The following CSMD1 variants were observed in gnomAD, a reference collection of about 807,000 sequenced individuals.
CSMD1 encodes the protein CUB and Sushi multiple domains 1, also known as CUB and sushi domain-containing protein 1.
A neutral mutation model predicts 417.5 loss-of-function variants in CSMD1; 213 were observed. That is an observed-to-expected ratio of 0.51 (90% CI 0.46 to 0.57). CSMD1 has a LOEUF of 0.57. Among genes scored for constraint, CSMD1 ranks in the 20% least tolerant of loss-of-function variants. The probability of loss-of-function intolerance (pLI) is 0.00; values close to 1 mark genes in which losing one functional copy is unlikely to be tolerated. For missense variants in CSMD1, 6,923 were observed against 4,529.7 expected, an observed-to-expected ratio of 1.53 and a Z score of -15.17; for synonymous variants, 2,862 against 1,736.8, an observed-to-expected ratio of 1.65 and a Z score of -16.11.
At chr8:4,968,047 C>T (rs1158786433) in intron 1 of CSMD1, among the ~76,000 whole-genome samples, 1 of 151,952 alleles carries the variant, frequency 6.6e-6, no homozygotes, top group Admixed American at 6.6e-5. Flanking sequence ...CCAAGCCAGC[C>T]AAATTAGAGT....
chr8:3,691,315 C>T (rs981641483), intron 7 of CSMD1, among the ~76,000 whole-genome samples: 4 of 151,404 alleles, frequency 2.6e-5, no homozygotes, highest in African/African-American at 7.3e-5. Flanking sequence ...TGCAGTGAGC[C>T]GGGATCGTGC....
chr8:3,982,606 C>T (rs980907132), intron 5 of CSMD1, among the ~76,000 whole-genome samples: 12 of 138,570 alleles, frequency 8.7e-5, no homozygotes, highest in African/African-American at 3.0e-4. Context: ...TTATGAAGTA[C>T]TGCTGAGAGA....
chr8:3,583,794 G>C (rs998120498), intron 9 of CSMD1, among the ~76,000 whole-genome samples: 2 of 152,042 alleles, frequency 1.3e-5, no homozygotes, highest in African/African-American at 4.8e-5. Flanking sequence ...TGAAACCTCA[G>C]AGTGACTGTA....
rs115052569 is a variant in CSMD1, at chr8:4,675,657, A to G, written c.86-38099T>C. ...AAGTAAGCAGGATATCTTTCTGGCA[A>G]TCTCAAAATTGAGCTGTTTAAGTAA... is the stretch of plus-strand genomic sequence containing the variant. On this transcript the variant is annotated intron_variant, in intron 1 of 69. Coordinates refer to ENST00000635120, the MANE Select transcript of CSMD1 (RefSeq NM_033225.6). Among the ~76,000 whole-genome samples the G allele has an allele frequency of 2.5e-3, 374 of 152,338 alleles. 5 individuals carry two copies. Among genetic ancestry groups the G allele is most frequent in the African/African-American group, 8.7e-3 (363 of 41,578 alleles).
intron 5 of CSMD1, among the ~76,000 whole-genome samples, chr8:3,944,328 C>T (rs1054864738): frequency 4.6e-5 from 7 of 152,090 alleles, no homozygotes; most frequent in Non-Finnish European, 1.0e-4. Context: ...TGCATAATGC[C>T]TTATTTTTTA....
intron 10 of CSMD1, among the ~76,000 whole-genome samples, chr8:3,539,118 T>A (rs1017207360): frequency 2.0e-5 from 3 of 152,186 alleles, no homozygotes; most frequent in African/African-American, 7.2e-5. Context: ...CACCCGCGGA[T>A]AGCAGGGACC....
At chr8:4,281,109 G>T (rs1796757250) in intron 3 of CSMD1, among the ~76,000 whole-genome samples, 1 of 152,184 alleles carries the variant, frequency 6.6e-6, no homozygotes, top group South Asian at 2.1e-4. Context: ...ATGGTATGAG[G>T]CCTCTGCTGG....
At chr8:4,040,530 G>C (rs946768255) in intron 3 of CSMD1, among the ~76,000 whole-genome samples, 1 of 152,192 alleles carries the variant, frequency 6.6e-6, no homozygotes, top group Non-Finnish European at 1.5e-5. Flanking sequence ...AACATCAGAA[G>C]AGGTGATGAT....
chr8:4,208,864 T>G (rs1023643235), intron 3 of CSMD1, among the ~76,000 whole-genome samples: 1 of 152,200 alleles, frequency 6.6e-6, no homozygotes, highest in Non-Finnish European at 1.5e-5. Flanking sequence ...AAGTATCCAT[T>G]CAAAATACCA....
At chr8:4,888,884 G>C (rs375129104) in intron 1 of CSMD1, among the ~76,000 whole-genome samples, 1 of 152,090 alleles carries the variant, frequency 6.6e-6, no homozygotes, top group African/African-American at 2.4e-5. Flanking sequence ...GCAAAGATTT[G>C]TAACCCATAC....
At chr8:3,664,590 T>C (rs1355265082) in intron 7 of CSMD1, among the ~76,000 whole-genome samples, 3 of 152,230 alleles carry the variant, frequency 2.0e-5, no homozygotes, top group Non-Finnish European at 2.9e-5. Flanking sequence ...GGAGTTTTCC[T>C]CTGCCTTGTA....
chr8:3,460,807 C>T (rs867897327), intron 12 of CSMD1, among the ~76,000 whole-genome samples: 1 of 152,168 alleles, frequency 6.6e-6, no homozygotes, highest in Non-Finnish European at 1.5e-5. Flanking sequence ...ACAATGATGC[C>T]GCACTCTGGG....
At chr8:3,875,450 G>A (rs953079178) in intron 5 of CSMD1, among the ~76,000 whole-genome samples, 2 of 152,154 alleles carry the variant, frequency 1.3e-5, no homozygotes, top group African/African-American at 4.8e-5. Flanking sequence ...GATGATGTAG[G>A]TGAATGGGTG....
chr8:4,235,794 T>A (rs182490558), intron 3 of CSMD1, among the ~76,000 whole-genome samples: 109 of 152,344 alleles, frequency 7.2e-4, no homozygotes, highest in African/African-American at 2.5e-3. Context: ...TTTTTTTCTT[T>A]GAAACATTTG....
In CSMD1 at chr8:2,937,262, A is replaced by G. The variant is rs143527830; in HGVS notation, c.*1323T>C. 1.3e-5 allele frequency: 2 copies of G among 152,184 alleles called. No homozygotes were observed. Among genetic ancestry groups the G allele is most frequent in the Non-Finnish European group, 2.9e-5 (2 of 68,030 alleles). 9.4% of individuals were successfully genotyped at this position (152,184 alleles called of 1,614,324 possible). ...TCTGGAATCATAAAGCATGAAACAAATAACAAATGAATGTATAAAATATAT... is the reference window on the plus strand; with the variant it reads ...TCTGGAATCATAAAGCATGAAACAAGTAACAAATGAATGTATAAAATATAT... On this transcript the variant is annotated 3_prime_UTR_variant, in exon 70 of 70. Transcript: ENST00000635120.
intron 2 of CSMD1, among the ~76,000 whole-genome samples, chr8:4,569,750 T>C (rs1003443300): frequency 6.6e-6 from 1 of 152,230 alleles, no homozygotes; most frequent in African/African-American, 2.4e-5. Context: ...ATTTTCACAA[T>C]ATTGATTCTT....
intron 6 of CSMD1, among the ~76,000 whole-genome samples, chr8:3,752,692 A>AAAAAAAC (rs1797413287): frequency 1.5e-5 from 1 of 66,372 alleles, no homozygotes; most frequent in African/African-American, 4.4e-5. Flanking sequence ...AAAAAAAAAA[A>AAAAAAAC]AAAAAAAAAA....
intron 17 of CSMD1, among the ~76,000 whole-genome samples, chr8:3,391,679 A>T (rs1811358747): frequency 6.6e-6 from 1 of 152,184 alleles, no homozygotes; most frequent in African/African-American, 2.4e-5. Flanking sequence ...ACAATTCAGA[A>T]AGGCCTTCTG....
chr8:4,777,585 G>A (rs1796930192), intron 1 of CSMD1, among the ~76,000 whole-genome samples: 1 of 152,188 alleles, frequency 6.6e-6, no homozygotes, highest in Admixed American at 6.5e-5. Context: ...AATCCTACAT[G>A]TGCAGTAAGA....
Sources: gnomAD v4.1 joint callset for allele counts (sites outside exome capture counted in the v4.1 genomes callset) on GRCh38, gnomAD v4.1.1 for gene constraint, MANE v1.5 for transcripts, NCBI Gene and HGNC (gene_info 2026-07-23, HGNC 2026-07-21) for gene names.